Variants in NCK1 observed in about 807,000 individuals in gnomAD.
NCK1 encodes the protein NCK adaptor protein 1.
Under a neutral mutation model 36.6 loss-of-function variants are expected in NCK1, and 19 were observed. That is an observed-to-expected ratio of 0.52 (90% CI 0.36 to 0.76). The LOEUF is 0.76. Ranked by LOEUF, NCK1 falls within the 30% of genes least tolerant of loss-of-function variation. The pLI, the probability that NCK1 is intolerant of heterozygous loss-of-function variation, is 0.00. For synonymous variants in NCK1, 165 were observed against 156.0 expected, an observed-to-expected ratio of 1.06 and a Z score of -0.43; for missense variants, 358 against 445.6, an observed-to-expected ratio of 0.80 and a Z score of 1.77.
intron 1 of NCK1, among the ~76,000 whole-genome samples, chr3:136,924,377 T>C (rs1940188409): frequency 1.3e-5 from 2 of 152,152 alleles, no homozygotes; most frequent in South Asian, 2.1e-4. Context: ...TGGGAAATGC[T>C]ACAGGACAAG....
chr3:136,905,994 T>G (rs1939675305), intron 1 of NCK1, among the ~76,000 whole-genome samples: 1 of 152,188 alleles, frequency 6.6e-6, no homozygotes, highest in South Asian at 2.1e-4. Context: ...ATTTCCTTGC[T>G]TTTTCATGTT....
chr3:136,907,845 A>G (rs189078213), intron 1 of NCK1, among the ~76,000 whole-genome samples: 1 of 152,244 alleles, frequency 6.6e-6, no homozygotes, highest in Non-Finnish European at 1.5e-5. Context: ...AATCTTACCT[A>G]TTGTCCTCAG....
chr3:136,919,351 TAAAC>T (rs1280465323), intron 1 of NCK1, among the ~76,000 whole-genome samples: 1 of 152,044 alleles, frequency 6.6e-6, no homozygotes, highest in Non-Finnish European at 1.5e-5. Context: ...GTATGTAAAA[TAAAC>T]AGCAAAAAAA....
At chr3:136,921,445 G>T (rs562015167) in intron 1 of NCK1, among the ~76,000 whole-genome samples, 7 of 152,308 alleles carry the variant, frequency 4.6e-5, no homozygotes, top group African/African-American at 1.7e-4. Context: ...TTTTGCTGTG[G>T]TATTTGCATC....
At chr3:136,925,033 T>C (rs1940203784) in intron 1 of NCK1, among the ~76,000 whole-genome samples, 1 of 152,190 alleles carries the variant, frequency 6.6e-6, no homozygotes, top group Non-Finnish European at 1.5e-5. Context: ...ATAATATTGA[T>C]AAAATTGGGT....
At chr3:136,901,894 T>G (rs1939549755) in intron 1 of NCK1, among the ~76,000 whole-genome samples, 2 of 152,148 alleles carry the variant, frequency 1.3e-5, no homozygotes, top group Admixed American at 1.3e-4. Flanking sequence ...ATTATTTCTT[T>G]CCTTCTACTA....
chr3:136,945,129 A>G (rs529025515), intron 2 of NCK1, among the ~76,000 whole-genome samples: 1 of 152,362 alleles, frequency 6.6e-6, no homozygotes, highest in Admixed American at 6.5e-5. Context: ...ATTGCATATC[A>G]TATTCTGATT....
chr3:136,893,982 A>G (rs1185081152), intron 1 of NCK1, among the ~76,000 whole-genome samples: 2 of 152,092 alleles, frequency 1.3e-5, no homozygotes, highest in African/African-American at 4.8e-5. Flanking sequence ...GTTTTGAGCC[A>G]TGGTTGCTGT....
In NCK1 at chr3:136,884,113, A is replaced by G. The variant is rs562941841; in HGVS notation, c.-19+21760A>G. On this transcript the variant is annotated intron_variant, in intron 1 of 3. Coordinates refer to ENST00000481752, the MANE Select transcript of NCK1 (RefSeq NM_001291999.2). ...GAGGTGATACGATGAAGTCATAATA[A>G]TGAACGAGCTATCTAGAGAGAGGGT... Among the ~76,000 whole-genome samples, 5 of 152,324 alleles carry G rather than the reference A, an allele frequency of 3.3e-5. No individual in the cohort carries two copies. The South Asian group carries it at 1.0e-3, about 32-fold the overall frequency.
intron 2 of NCK1, 162 bp downstream of exon 2, chr3:136,928,389 G>A: frequency 1.5e-6 from 1 of 645,518 alleles, no homozygotes; most frequent in South Asian, 2.0e-5. Context: ...ACCAGTGAAG[G>A]TCATAAGTGT....
intron 1 of NCK1, among the ~76,000 whole-genome samples, chr3:136,890,270 G>A (rs917065474): frequency 4.6e-5 from 7 of 152,146 alleles, no homozygotes; most frequent in Non-Finnish European, 1.0e-4. Flanking sequence ...CCGGCCGGCA[G>A]GGCCGGCCGG....
At chr3:136,873,325 A>G (rs1403783237) in intron 1 of NCK1, among the ~76,000 whole-genome samples, 1 of 152,030 alleles carries the variant, frequency 6.6e-6, no homozygotes, top group African/African-American at 2.4e-5. Context: ...TGTATTTTGG[A>G]TTTGCTAGAG....
intron 1 of NCK1, among the ~76,000 whole-genome samples, chr3:136,873,488 CTT>C (rs1938684341): frequency 6.6e-6 from 1 of 152,094 alleles, no homozygotes; most frequent in Non-Finnish European, 1.5e-5. Flanking sequence ...TTGGATGAGA[CTT>C]TGGACTGTGA....
chr3:136,924,709 A>G (rs548232706), intron 1 of NCK1, among the ~76,000 whole-genome samples: 14 of 152,324 alleles, frequency 9.2e-5, no homozygotes, highest in South Asian at 2.1e-4. Context: ...TAGAGGTTCT[A>G]TGTTTCACCA....
chr3:136,865,356 A>G (rs1938383995), intron 1 of NCK1, among the ~76,000 whole-genome samples: 1 of 152,160 alleles, frequency 6.6e-6, no homozygotes, highest in South Asian at 2.1e-4. Flanking sequence ...AAGTGCTGAG[A>G]TTACAGGTGT....
chr3:136,864,499 A>G (rs28411139), intron 1 of NCK1, among the ~76,000 whole-genome samples: 4 of 109,250 alleles, frequency 3.7e-5, no homozygotes, highest in East Asian at 3.0e-4. Context: ...CACACACAAA[A>G]AAAAAACAGA....
intron 2 of NCK1, among the ~76,000 whole-genome samples, chr3:136,937,141 G>T (rs1229423814): frequency 6.6e-6 from 1 of 152,102 alleles, no homozygotes; most frequent in East Asian, 1.9e-4. Flanking sequence ...TTTTATATAT[G>T]ATGTGAAGTT....
intron 1 of NCK1, among the ~76,000 whole-genome samples, chr3:136,891,093 T>G (rs1939231491): frequency 6.6e-6 from 1 of 152,260 alleles, no homozygotes; most frequent in African/African-American, 2.4e-5. Flanking sequence ...GCTGGTACTG[T>G]TCCGTTGAAT....
At chr3:136,900,733 A>G (rs913365820) in intron 1 of NCK1, among the ~76,000 whole-genome samples, 1 of 152,174 alleles carries the variant, frequency 6.6e-6, no homozygotes, top group African/African-American at 2.4e-5. Flanking sequence ...TACTTCACAG[A>G]TGGATGCATA....
Sources: gnomAD v4.1 joint callset for allele counts (sites outside exome capture counted in the v4.1 genomes callset) on GRCh38, gnomAD v4.1.1 for gene constraint, MANE v1.5 for transcripts, NCBI Gene and HGNC (gene_info 2026-07-23, HGNC 2026-07-21) for gene names.